NAV2: variants seen among roughly 807,000 people sequenced by gnomAD.
NAV2 encodes neuron navigator 2, also known as helicase, APC down-regulated 1.
In NAV2, 54 loss-of-function variants were observed where a neutral mutation model predicts 223.2. The ratio of observed to expected loss-of-function variants is 0.24; its 90% confidence interval spans 0.19 to 0.30. The LOEUF (loss-of-function observed/expected upper bound fraction) is 0.30, where lower values mean the gene tolerates loss of function less well. Ranked by LOEUF, NAV2 falls within the 10% of genes least tolerant of loss-of-function variation. The pLI is 1.00. For missense variants in NAV2, 2,806 were observed against 3,147.5 expected, an observed-to-expected ratio of 0.89 and a Z score of 2.60; for synonymous variants, 1,279 against 1,239.3, an observed-to-expected ratio of 1.03 and a Z score of -0.67.
chr11:19,464,169 C>G (rs1023796418), intron 1 of NAV2, among the ~76,000 whole-genome samples: 9 of 152,194 alleles, frequency 5.9e-5, no homozygotes, highest in Admixed American at 2.0e-4. Flanking sequence ...GCACCCGTTT[C>G]CATCACGAGC....
chr11:19,976,419 G>T (rs1488404599), intron 10 of NAV2, among the ~76,000 whole-genome samples: 4 of 152,188 alleles, frequency 2.6e-5, no homozygotes, highest in Non-Finnish European at 5.9e-5. Context: ...GCTTTAGGAA[G>T]TAGAAATGGC....
At chr11:19,410,920 A>G (rs1175293221) in intron 1 of NAV2, among the ~76,000 whole-genome samples, 3 of 152,116 alleles carry the variant, frequency 2.0e-5, no homozygotes, top group Non-Finnish European at 2.9e-5. Flanking sequence ...GAGCAGCTTG[A>G]CATCAAATCT....
rs146664557 is a variant in NAV2, at chr11:19,478,654, G to A, written c.75+127627G>A. ...AACAAGGAGATAGTGCCCAATCTAA[G>A]CCTTGACCAACCAAGACAAAAGCCT... On this transcript the variant is annotated intron_variant, in intron 1 of 37. Transcript: ENST00000360655. Among the ~76,000 whole-genome samples the A allele has an allele frequency of 5.7e-3, 867 of 152,304 alleles. 4 individuals carry two copies. The highest frequency in any genetic ancestry group is 0.02 in the African/African-American group (832 of 41,572).
chr11:19,674,049 C>T (rs898760973), intron 1 of NAV2, among the ~76,000 whole-genome samples: 10 of 152,290 alleles, frequency 6.6e-5, no homozygotes, highest in Admixed American at 4.6e-4. Flanking sequence ...TGGAAAGCAG[C>T]GTGGGCCGTC....
rs2057202472 is a variant in NAV2, at chr11:20,043,967, GTC to G, written c.2908-10_2908-9del. On this transcript the variant is annotated splice_polypyrimidine_tract_variant and intron_variant, in intron 12 of 37. Coordinates refer to ENST00000349880, the MANE Select transcript of NAV2 (RefSeq NM_145117.5). ...GACTGGGGAAGGACTAATTCAGAGA[GTC>G]TCTGTCCACAGACTGATGCTGAGAA... 2 of 1,608,082 alleles carry G rather than the reference GTC, an allele frequency of 1.2e-6. No homozygotes were observed. Among genetic ancestry groups the G allele is most frequent in the East Asian group, 4.5e-5 (2 of 44,682 alleles).
At chr11:19,845,846 T>C in intron 3 of NAV2, among the ~76,000 whole-genome samples, 1 of 152,150 alleles carries the variant, frequency 6.6e-6, no homozygotes, top group East Asian at 1.9e-4. Flanking sequence ...TGGCATTGTG[T>C]ACTTTTAGAC....
At position 19,994,622 on chromosome 11, in the gene NAV2, G is replaced by A. The variant is rs368293143; in HGVS notation, c.2768+10375G>A. 2.0e-5 allele frequency among the ~76,000 whole-genome samples: 3 copies of A among 151,588 alleles called. No individual in the cohort carries two copies. The South Asian group carries it at 6.3e-4, about 32-fold the overall frequency. The stretch of plus-strand genomic sequence containing the variant: ...CATGATTTCTGTTACTGAAATGTAA[G>A]ATCTGATTGAAATAAGCCCAGAATA... On this transcript the variant is annotated intron_variant, in intron 11 of 37. Coordinates refer to ENST00000349880, the MANE Select transcript of NAV2 (RefSeq NM_145117.5).
intron 11 of NAV2, chr11:20,023,228 C>A: frequency 1.7e-6 from 2 of 1,144,244 alleles, no homozygotes; most frequent in African/African-American, 1.6e-5. Flanking sequence ...CCTGGTGGAG[C>A]AGCCTGTGGT....
At chr11:19,815,196 T>C (rs1459695365) in intron 1 of NAV2, among the ~76,000 whole-genome samples, 2 of 152,220 alleles carry the variant, frequency 1.3e-5, no homozygotes, top group Admixed American at 6.5e-5. Flanking sequence ...TGAGCCACTT[T>C]ACTGAGTCCT....
chr11:20,016,619 G>A (rs2054023941), intron 11 of NAV2, among the ~76,000 whole-genome samples: 1 of 152,214 alleles, frequency 6.6e-6, no homozygotes, highest in Non-Finnish European at 1.5e-5. Context: ...AAACAGTAGG[G>A]AGGGAGGGAT....
chr11:19,946,265 C>A, intron 8 of NAV2, 136 bp from the exon 9 acceptor site: 1 of 670,444 alleles, frequency 1.5e-6, no homozygotes, highest in South Asian at 2.4e-5. Context: ...CATTCATTGT[C>A]AAATCCTTAT....
chr11:20,019,994 T>TAA (rs763255071), intron 11 of NAV2, among the ~76,000 whole-genome samples: 102 of 134,064 alleles, frequency 7.6e-4, no homozygotes, highest in Non-Finnish European at 1.3e-3. Flanking sequence ...GGGCATGAGG[T>TAA]AAAAAAAAAA....
At chr11:19,568,182 G>A (rs1246268576) in intron 1 of NAV2, among the ~76,000 whole-genome samples, 1 of 152,182 alleles carries the variant, frequency 6.6e-6, no homozygotes, top group Non-Finnish European at 1.5e-5. Context: ...CTAGGCTTTG[G>A]CACAAGCCAC....
intron 4 of NAV2, among the ~76,000 whole-genome samples, chr11:19,871,563 C>A (rs1320000401): frequency 6.6e-6 from 1 of 152,078 alleles, no homozygotes; most frequent in African/African-American, 2.4e-5. Context: ...ATGTAGCTCC[C>A]GGGGCACTAG....
rs541224559 is a variant in NAV2 at position 19,830,095 on chromosome 11, T to G, written c.268-2389T>G. Among the ~76,000 whole-genome samples the G allele has an allele frequency of 1.8e-4, 27 of 152,146 alleles. No individual in the cohort carries two copies. In the South Asian group the frequency reaches 5.6e-3, roughly 32 times the overall value. ...CAAAAATTAGCCAAGCGTGGTGGCA[T>G]GCACCTGTAATCCCAGCTACTTGGG... On this transcript the variant is annotated intron_variant, in intron 1 of 37. Transcript: ENST00000349880.
At chr11:19,543,819 A>G (rs924742470) in intron 1 of NAV2, among the ~76,000 whole-genome samples, 2 of 151,762 alleles carry the variant, frequency 1.3e-5, no homozygotes, top group Admixed American at 6.6e-5. Context: ...ATCAAATACT[A>G]TTTGTCACCT....
intron 10 of NAV2, among the ~76,000 whole-genome samples, chr11:19,979,597 C>A (rs994637189): frequency 1.3e-5 from 2 of 152,214 alleles, no homozygotes; most frequent in African/African-American, 4.8e-5. Context: ...CCCGTGTGTT[C>A]TCAAAGCCAG....
intron 6 of NAV2, among the ~76,000 whole-genome samples, chr11:19,909,492 C>T (rs991538692): frequency 6.6e-6 from 1 of 152,198 alleles, no homozygotes; most frequent in Non-Finnish European, 1.5e-5. Flanking sequence ...CAGATTGTAA[C>T]TTTGAGTTGT....
chr11:19,364,787 C>T (rs1854165825), intron 1 of NAV2, among the ~76,000 whole-genome samples: 1 of 152,200 alleles, frequency 6.6e-6, no homozygotes, highest in African/African-American at 2.4e-5. Context: ...CTGTTTTCCA[C>T]TGTATAAAAT....
Sources: gnomAD v4.1 joint callset for allele counts (sites outside exome capture counted in the v4.1 genomes callset) on GRCh38, gnomAD v4.1.1 for gene constraint, MANE v1.5 for transcripts, NCBI Gene and HGNC (gene_info 2026-07-23, HGNC 2026-07-21) for gene names.